The following EPC1 variants were observed in gnomAD, a reference collection of about 807,000 sequenced individuals.
EPC1 encodes the protein enhancer of polycomb 1.
Under a neutral mutation model 98.4 loss-of-function variants are expected in EPC1, and 12 were observed. That is an observed-to-expected ratio of 0.12 (90% CI 0.08 to 0.20). EPC1 has a LOEUF of 0.20. Among genes scored for constraint, EPC1 ranks in the 10% least tolerant of loss-of-function variants. The probability of loss-of-function intolerance (pLI) is 1.00; values close to 1 mark genes in which losing one functional copy is unlikely to be tolerated. For missense variants in EPC1, 729 were observed against 990.5 expected, an observed-to-expected ratio of 0.74 and a Z score of 3.54; for synonymous variants, 357 against 363.9, an observed-to-expected ratio of 0.98 and a Z score of 0.21.
intron 1 of EPC1, among the ~76,000 whole-genome samples, chr10:32,373,087 A>G (rs1413972234): frequency 6.6e-6 from 1 of 152,206 alleles, no homozygotes; most frequent in Non-Finnish European, 1.5e-5. Flanking sequence ...ATGTGATAGT[A>G]AAGAAAAGGA....
chr10:32,377,703 C>A (rs1324551030), intron 1 of EPC1, among the ~76,000 whole-genome samples: 1 of 151,232 alleles, frequency 6.6e-6, no homozygotes, highest in Admixed American at 6.6e-5. Flanking sequence ...CTTTTTTTTT[C>A]TTCCTTTTTT....
chr10:32,366,563 T>C (rs112268017), intron 1 of EPC1, among the ~76,000 whole-genome samples: 1,649 of 152,284 alleles, frequency 0.011, 22 homozygotes, highest in African/African-American at 0.037. Flanking sequence ...ATTTTCCTTA[T>C]TAAAATTGGA....
In EPC1 at chr10:32,288,491, C is replaced by T. The variant is rs141090638; in HGVS notation, c.976-1217G>A. Among the ~76,000 whole-genome samples the T allele has an allele frequency of 9.4e-3, 1,421 of 151,772 alleles. 26 individuals are homozygous for T. The highest frequency in any genetic ancestry group is 0.032 in the African/African-American group (1,317 of 41,412). On this transcript the variant is annotated intron_variant, in intron 6 of 13. Transcript: ENST00000319778. ...GCTATGCTTAGGTGCTATTACTACCCATTTACAGCAATTTGCGCTCGCTAA... is the reference window on the plus strand; with the variant it reads ...GCTATGCTTAGGTGCTATTACTACCTATTTACAGCAATTTGCGCTCGCTAA...
chr10:32,365,744 G>A (rs922129102), intron 1 of EPC1, among the ~76,000 whole-genome samples: 5 of 134,026 alleles, frequency 3.7e-5, no homozygotes, highest in Admixed American at 8.5e-5. Flanking sequence ...GCTTGAACCC[G>A]GGAGGCAGAG....
intron 1 of EPC1, among the ~76,000 whole-genome samples, chr10:32,341,150 T>C (rs1047667698): frequency 1.3e-5 from 2 of 152,236 alleles, no homozygotes; most frequent in African/African-American, 2.4e-5. Context: ...CATGGTATTA[T>C]TGCTCCCTTA....
At chr10:32,286,455 G>T in intron 9 of EPC1, 1 of 499,366 alleles carries the variant, frequency 2.0e-6, no homozygotes, top group Non-Finnish European at 3.5e-6. Flanking sequence ...ATTTATCTGA[G>T]GTTTTCCACC....
At chr10:32,327,466 C>A (rs991238944) in intron 1 of EPC1, among the ~76,000 whole-genome samples, 1 of 152,062 alleles carries the variant, frequency 6.6e-6, no homozygotes, top group African/African-American at 2.4e-5. Flanking sequence ...AGTGTTCTCA[C>A]AACAAAGAAA....
Position 32,292,476 on chromosome 10 carries a change from A to G in EPC1, c.815+20T>C, listed in dbSNP as rs1564528763. ...TTAATGGCACTATACTTCCTCTAAC[A>G]TTATTAAAATATACATTACCTCTTT... On this transcript the variant is annotated intron_variant, in intron 5 of 13. Coordinates refer to ENST00000319778, the MANE Select transcript of EPC1 (RefSeq NM_001272004.3). 5.9e-6 allele frequency: 9 copies of G among 1,524,190 alleles called. No individual in the cohort carries two copies. Among genetic ancestry groups the G allele is most frequent in the Middle Eastern group, 2.4e-4 (1 of 4,204 alleles). The allele number at this position is 1,524,190 out of a possible 1,614,324, so 94.4% of individuals were successfully genotyped here. A position where few individuals can be genotyped will look rare whatever the true frequency, so the allele number is the denominator to read the frequency against.
At chr10:32,299,540 C>CCATCATCATCATCAT (rs5784280) in intron 2 of EPC1, among the ~76,000 whole-genome samples, 11 of 148,270 alleles carry the variant, frequency 7.4e-5, no homozygotes, top group African/African-American at 2.7e-4. Flanking sequence ...CCCCAAGCCT[C>CCATCATCATCATCAT]CATCATCATC....
In EPC1 at chr10:32,346,883, T is replaced by C. The variant is rs373927918; in HGVS notation, c.33A>G (p.Leu11=). 2.2e-5 allele frequency: 35 copies of C among 1,613,986 alleles called. No homozygotes were observed. The highest frequency in any genetic ancestry group is 2.8e-5 in the Non-Finnish European group (33 of 1,180,024). The change falls in exon 1 of 14, where the codon CTA becomes CTG. Residue 11 remains leucine, a synonymous_variant. Transcript: ENST00000319778. MSKLSFRARA[L]DASKPLPVFR... ...AAACCGGCAGCGGCTTCGAGGCGTC[T>C]AGCGCCCGCGCCCGAAACGACAGTT...
Position 32,362,408 on chromosome 10 carries a change from G to A in EPC1, c.3+16083C>T, listed in dbSNP as rs539643637. Among the ~76,000 whole-genome samples, 1,034 of 152,188 alleles carry A rather than the reference G, an allele frequency of 6.8e-3. 6 individuals are homozygous for A. Among genetic ancestry groups the A allele is most frequent in the South Asian group, 0.015 (73 of 4,808 alleles). On this transcript the variant is annotated intron_variant, in intron 1 of 13. Transcript: ENST00000375110. Reference sequence around the variant, plus strand: ...CTCTTGGTGTTGTTCTCATGATAGTGAGTGAGTTTTCATGAGATCTGGTTG... The same window carrying A: ...CTCTTGGTGTTGTTCTCATGATAGTAAGTGAGTTTTCATGAGATCTGGTTG...
Position 32,345,714 on chromosome 10 carries a change from T to C in EPC1, c.153+1049A>G. On this transcript the variant is annotated intron_variant, in intron 1 of 13. Transcript: ENST00000319778. ...AGCCACAGCGATGGTAAAATGTCTA[T>C]TAGTTGTCAACATTTACGTGCTGAA... The C allele has an allele frequency of 7.5e-6, 6 of 796,894 alleles. No individual in the cohort carries two copies. In the South Asian group the frequency reaches 3.4e-4, roughly 45 times the overall value. The allele number at this position is 796,894 out of a possible 1,614,324, so 49.4% of individuals were successfully genotyped here.
intron 1 of EPC1, chr10:32,345,244 T>C (rs569511661): frequency 1.0e-6 from 1 of 985,424 alleles, no homozygotes; most frequent in South Asian, 4.7e-5. Flanking sequence ...GTGCTGAAAG[T>C]CAGTGCCCAA....
At chr10:32,344,643 G>A (rs554074110) in intron 1 of EPC1, among the ~76,000 whole-genome samples, 22 of 152,104 alleles carry the variant, frequency 1.4e-4, no homozygotes, top group Non-Finnish European at 3.1e-4. Flanking sequence ...AAAATCGGCC[G>A]GGCGCGGTGG....
intron 1 of EPC1, among the ~76,000 whole-genome samples, chr10:32,356,713 G>A (rs35418105): frequency 4.6e-4 from 70 of 152,154 alleles, no homozygotes; most frequent in Non-Finnish European, 7.1e-4. Flanking sequence ...CGCCAGGCGC[G>A]GTGGCTCACG....
intron 1 of EPC1, among the ~76,000 whole-genome samples, chr10:32,375,518 G>A (rs1042711028): frequency 3.9e-5 from 6 of 151,914 alleles, no homozygotes; most frequent in Non-Finnish European, 7.4e-5. Context: ...TATTGATTGA[G>A]CTCCTTAATT....
At chr10:32,363,878 CT>C (rs1289204099) in intron 1 of EPC1, among the ~76,000 whole-genome samples, 1 of 151,710 alleles carries the variant, frequency 6.6e-6, no homozygotes, top group East Asian at 1.9e-4. Flanking sequence ...GAACTATCCT[CT>C]GTATAATGGT....
chr10:32,370,619 C>A (rs1301674286), intron 1 of EPC1, among the ~76,000 whole-genome samples: 1 of 152,094 alleles, frequency 6.6e-6, no homozygotes, highest in African/African-American at 2.4e-5. Context: ...TCTGAAGGAC[C>A]CAGAATCATT....
At chr10:32,309,351 A>G (rs1400020138) in intron 1 of EPC1, among the ~76,000 whole-genome samples, 1 of 152,182 alleles carries the variant, frequency 6.6e-6, no homozygotes, top group Non-Finnish European at 1.5e-5. Flanking sequence ...TGATGTGATT[A>G]TTACACATTG....
Sources: allele counts gnomAD v4.1 joint callset (sites outside exome capture counted in the v4.1 genomes callset), GRCh38; gene constraint gnomAD v4.1.1; transcripts MANE v1.5; gene names NCBI Gene and HGNC (gene_info 2026-07-23, HGNC 2026-07-21).